REPS2: variants seen among roughly 807,000 people sequenced by gnomAD.
REPS2 encodes the protein RALBP1 associated Eps domain containing 2.
Under a neutral mutation model 53.6 loss-of-function variants are expected in REPS2, and 23 were observed. The ratio of observed to expected loss-of-function variants is 0.43; its 90% CI spans 0.31 to 0.61. The LOEUF is 0.61. REPS2 is among the 20% of genes least tolerant of loss of function. REPS2 has a pLI of 0.11. For missense variants in REPS2, 446 were observed against 534.9 expected (o/e 0.83, Z 1.64); for synonymous variants, 238 against 218.6 (o/e 1.09, Z -0.78).
chrX:17,189,588 C>T, the REPS2 span, among the ~76,000 whole-genome samples: 1 of 111,148 alleles, frequency 9.0e-6, no homozygotes, highest in Non-Finnish European at 1.9e-5. Flanking sequence ...CACCCAGTGG[C>T]ACATGTTACT....
Position 17,105,994 on chromosome X carries a change from C to G in REPS2, c.1578+2215C>G, listed in dbSNP as rs141898043. ...TACAGATTTGCAGACTGCTGCCCCT[C>G]TACCCCTCTGGGAGAGTCGCTGTGC... On this transcript the variant is annotated intron_variant, in intron 14 of 17. Coordinates refer to ENST00000357277, the MANE Select transcript of REPS2 (RefSeq NM_004726.3). Among the ~76,000 whole-genome samples, 39 of 111,935 alleles carry G rather than the reference C, an allele frequency of 3.5e-4. No homozygotes were observed. The East Asian group carries it at 7.9e-3, about 23-fold the overall frequency.
intron 14 of REPS2, among the ~76,000 whole-genome samples, chrX:17,130,959 G>C (rs186717462): frequency 2.7e-4 from 30 of 112,151 alleles, no homozygotes; most frequent in Non-Finnish European, 5.6e-5. Context: ...TAAGTGTTGT[G>C]TGCATCATAG....
chrX:16,991,462 C>T (rs1332941034), intron 1 of REPS2, among the ~76,000 whole-genome samples: 2 of 111,647 alleles, frequency 1.8e-5, no homozygotes, highest in Non-Finnish European at 3.8e-5. Flanking sequence ...TTGGCTTTAA[C>T]AAATATTTAG....
At chrX:16,989,544 A>G (rs2061136284) in intron 1 of REPS2, among the ~76,000 whole-genome samples, 1 of 112,228 alleles carries the variant, frequency 8.9e-6, no homozygotes, top group Middle Eastern at 4.2e-3. Flanking sequence ...CGTATCCGAC[A>G]AAGGACTGGC....
At chrX:16,977,995 C>T (rs2060976843) in intron 1 of REPS2, among the ~76,000 whole-genome samples, 1 of 111,460 alleles carries the variant, frequency 9.0e-6, no homozygotes, top group South Asian at 3.7e-4. Flanking sequence ...TGTGGTATCT[C>T]ATCCACCCTG....
intron 13 of REPS2, among the ~76,000 whole-genome samples, chrX:17,087,279 G>C (rs2148015531): frequency 8.9e-6 from 1 of 111,985 alleles, no homozygotes; most frequent in East Asian, 2.8e-4. Flanking sequence ...GACCTACTAT[G>C]TAATCACCAA....
At chrX:17,018,624 G>C (rs2061531772) in intron 2 of REPS2, among the ~76,000 whole-genome samples, 1 of 100,321 alleles carries the variant, frequency 1.0e-5, no homozygotes, top group Non-Finnish European at 2.0e-5. Context: ...TTTTAATGTG[G>C]CTCACATTCT....
chrX:17,074,040 C>T (rs1338006611), intron 11 of REPS2, 74 bp from the exon 12 acceptor site: 1 of 936,705 alleles, frequency 1.1e-6, no homozygotes, highest in Non-Finnish European at 1.5e-6. Context: ...TTGATGTGTT[C>T]TGTACTAGCC....
At chrX:17,113,999 G>A (rs1257389874) in intron 14 of REPS2, among the ~76,000 whole-genome samples, 1 of 112,109 alleles carries the variant, frequency 8.9e-6, no homozygotes, top group African/African-American at 3.2e-5. Flanking sequence ...AGAATATTAG[G>A]CATCTATTAA....
the REPS2 span, among the ~76,000 whole-genome samples, chrX:17,163,860 G>C: frequency 1.8e-5 from 2 of 111,616 alleles, no homozygotes; most frequent in African/African-American, 6.5e-5. Context: ...GCCACATCAA[G>C]AAATAAAGAA....
the REPS2 span, among the ~76,000 whole-genome samples, chrX:17,175,266 C>G: frequency 8.9e-6 from 1 of 112,169 alleles, no homozygotes; most frequent in Non-Finnish European, 1.9e-5. Context: ...TCAGGCAGGC[C>G]TACTAGGTGT....
At chrX:17,006,462 C>A in intron 2 of REPS2, 118 bp downstream of exon 2, 1 of 717,485 alleles carries the variant, frequency 1.4e-6, no homozygotes, top group Non-Finnish European at 1.9e-6. Context: ...AACTCTTCTG[C>A]AAAATAAAAT....
At position 16,947,119 on chromosome X, in the gene REPS2, CGA is replaced by C. The variant is rs1356900289; in HGVS notation, c.261_262del (p.Glu87AspfsTer44). 1 of 1,090,503 alleles carries C rather than the reference CGA, an allele frequency of 9.2e-7. No individual in the cohort carries two copies. The highest frequency in any genetic ancestry group is 1.9e-5 in the African/African-American group (1 of 51,820). The allele number at this position is 1,090,503 out of a possible 1,213,427, so 89.9% of individuals were successfully genotyped here. A position where few individuals can be genotyped will look rare whatever the true frequency, so the allele number is the denominator to read the frequency against. On this transcript the variant is annotated frameshift_variant, in exon 1 of 18. Coordinates refer to ENST00000357277, the MANE Select transcript of REPS2 (RefSeq NM_004726.3). LOFTEE classifies it high-confidence loss of function. The stretch of plus-strand genomic sequence containing the variant: ...TGTTTCGGGCATCGCAGCTGCCCGC[CGA>C]GACGCTGCACCAGGTGGGTCCCTCC... ...DLFRASQLPA[E>X]TLHQITELCG...
At chrX:17,082,855 T>A (rs758813258) in intron 13 of REPS2, among the ~76,000 whole-genome samples, 1 of 111,755 alleles carries the variant, frequency 8.9e-6, no homozygotes, top group East Asian at 2.8e-4. Context: ...AATGCCTATT[T>A]GTATCTTTTT....
At chrX:17,116,456 C>G (rs1296014177) in intron 14 of REPS2, among the ~76,000 whole-genome samples, 3 of 111,349 alleles carry the variant, frequency 2.7e-5, no homozygotes, top group Non-Finnish European at 3.8e-5. Flanking sequence ...AGCAGTCCTC[C>G]CATCTCAACC....
At chrX:17,080,621 A>G (rs1347711990) in intron 13 of REPS2, among the ~76,000 whole-genome samples, 6 of 112,188 alleles carry the variant, frequency 5.3e-5, no homozygotes, top group African/African-American at 9.7e-5. Context: ...ACACCTGTCA[A>G]CTTGCTCCAT....
At chrX:17,058,976 A>G (rs1409386156) in intron 8 of REPS2, among the ~76,000 whole-genome samples, 1 of 106,426 alleles carries the variant, frequency 9.4e-6, no homozygotes, top group Non-Finnish European at 1.9e-5. Context: ...TTTTAATGGC[A>G]TCTCATTTAG....
At chrX:16,972,939 A>G (rs2060912366) in intron 1 of REPS2, among the ~76,000 whole-genome samples, 2 of 111,737 alleles carry the variant, frequency 1.8e-5, no homozygotes, top group Admixed American at 1.9e-4. Flanking sequence ...TTTGAATTCC[A>G]TCAGTTTTTC....
chrX:16,991,122 A>G (rs931083741), intron 1 of REPS2, among the ~76,000 whole-genome samples: 3 of 111,259 alleles, frequency 2.7e-5, no homozygotes, highest in African/African-American at 9.8e-5. Flanking sequence ...TTTGTTAGAC[A>G]AAAAAACCAG....
Sources: allele counts gnomAD v4.1 joint callset (sites outside exome capture counted in the v4.1 genomes callset), GRCh38; gene constraint gnomAD v4.1.1; transcripts MANE v1.5; gene names NCBI Gene and HGNC (gene_info 2026-07-23, HGNC 2026-07-21).